The following SEMA3E variants were observed in gnomAD, a reference collection of about 807,000 sequenced individuals.
SEMA3E encodes the protein semaphorin-3E.
In SEMA3E, 49 loss-of-function variants were observed where a neutral mutation model predicts 93.6. The ratio of observed to expected loss-of-function variants is 0.52; its 90% CI spans 0.42 to 0.66. The LOEUF (loss-of-function observed/expected upper bound fraction) is 0.66. Ranked by LOEUF, SEMA3E falls within the 30% of genes least tolerant of loss-of-function variation. The pLI, the probability that SEMA3E is intolerant of heterozygous loss-of-function variation, is 0.00. For synonymous variants in SEMA3E, 363 were observed against 330.7 expected (o/e 1.10, Z -1.06); for missense variants, 906 against 964.8 (o/e 0.94, Z 0.81).
intron 1 of SEMA3E, among the ~76,000 whole-genome samples, chr7:83,628,238 G>C (rs1793713500): frequency 6.6e-6 from 1 of 152,002 alleles, no homozygotes; most frequent in Non-Finnish European, 1.5e-5. Flanking sequence ...CTCTCTGGCT[G>C]CCCTTAACAT....
intron 1 of SEMA3E, among the ~76,000 whole-genome samples, chr7:83,566,381 T>C (rs537563174): frequency 6.6e-6 from 1 of 152,266 alleles, no homozygotes; most frequent in African/African-American, 2.4e-5. Flanking sequence ...TGCAACCTTA[T>C]AATCAATGAT....
intron 2 of SEMA3E, among the ~76,000 whole-genome samples, chr7:83,488,858 T>G (rs1315154676): frequency 6.6e-6 from 1 of 151,942 alleles, no homozygotes; most frequent in African/African-American, 2.4e-5. Context: ...TTGAGAGGAG[T>G]ATAAAAACTT....
intron 4 of SEMA3E, among the ~76,000 whole-genome samples, chr7:83,446,482 C>T (rs1249097852): frequency 2.0e-5 from 3 of 152,168 alleles, no homozygotes; most frequent in East Asian, 3.9e-4. Flanking sequence ...GCAGTGAGGT[C>T]TCCCCTGTGT....
At chr7:83,635,855 A>C (rs950508736) in intron 1 of SEMA3E, among the ~76,000 whole-genome samples, 1 of 150,654 alleles carries the variant, frequency 6.6e-6, no homozygotes, top group Non-Finnish European at 1.5e-5. Flanking sequence ...AATTATTCAT[A>C]AAACTTTTGC....
intron 2 of SEMA3E, among the ~76,000 whole-genome samples, chr7:83,471,644 T>A (rs1438769750): frequency 6.6e-6 from 1 of 152,166 alleles, no homozygotes; most frequent in Non-Finnish European, 1.5e-5. Context: ...ACTGAGGATT[T>A]TTTTGTTTGT....
intron 9 of SEMA3E, 100 bp downstream of exon 9, chr7:83,405,350 C>T (rs1435505760): frequency 1.2e-6 from 1 of 831,984 alleles, no homozygotes; most frequent in Non-Finnish European, 2.0e-6. Flanking sequence ...AGAAGAGCAA[C>T]TGGGTCAATA....
At chr7:83,533,969 A>T (rs1362684477) in intron 1 of SEMA3E, among the ~76,000 whole-genome samples, 1 of 152,154 alleles carries the variant, frequency 6.6e-6, no homozygotes, top group Non-Finnish European at 1.5e-5. Context: ...CTTTATCCCA[A>T]GTTCTAGTCA....
chr7:83,416,798 G>A (rs1266113110), intron 5 of SEMA3E, among the ~76,000 whole-genome samples: 1 of 151,782 alleles, frequency 6.6e-6, no homozygotes, highest in East Asian at 1.9e-4. Flanking sequence ...GAAAAAGATG[G>A]TGTGAGACTA....
chr7:83,637,126 C>G (rs1253461976), intron 1 of SEMA3E, among the ~76,000 whole-genome samples: 1 of 151,468 alleles, frequency 6.6e-6, no homozygotes, highest in Non-Finnish European at 1.5e-5. Context: ...AGAGAGTTCC[C>G]CTATACCTAT....
chr7:83,602,080 C>T (rs888204153), intron 1 of SEMA3E, among the ~76,000 whole-genome samples: 1 of 152,124 alleles, frequency 6.6e-6, no homozygotes, highest in Non-Finnish European at 1.5e-5. Context: ...ACTGCCATTA[C>T]GAGTCACTCT....
intron 1 of SEMA3E, among the ~76,000 whole-genome samples, chr7:83,594,849 T>C (rs575612060): frequency 6.6e-6 from 1 of 151,950 alleles, no homozygotes; most frequent in Non-Finnish European, 1.5e-5. Context: ...AAATAAATGG[T>C]CTGAATGATT....
At chr7:83,561,049 G>A (rs111804471) in intron 1 of SEMA3E, among the ~76,000 whole-genome samples, 48 of 151,964 alleles carry the variant, frequency 3.2e-4, no homozygotes, top group Admixed American at 9.2e-4. Context: ...AAATGTTAGT[G>A]CCCTTTTTTT....
intron 1 of SEMA3E, among the ~76,000 whole-genome samples, chr7:83,500,846 C>G (rs770029779): frequency 6.6e-6 from 1 of 152,104 alleles, no homozygotes; most frequent in Non-Finnish European, 1.5e-5. Context: ...CTGCCTCGCC[C>G]TCCCAAAGTC....
intron 1 of SEMA3E, among the ~76,000 whole-genome samples, chr7:83,531,959 C>T (rs1273243238): frequency 2.0e-5 from 3 of 152,128 alleles, no homozygotes; most frequent in African/African-American, 4.8e-5. Context: ...TGGGAATCAT[C>T]GGGAGACAGG....
intron 1 of SEMA3E, among the ~76,000 whole-genome samples, chr7:83,633,248 C>A (rs1050705081): frequency 1.3e-5 from 2 of 152,050 alleles, no homozygotes; most frequent in Non-Finnish European, 2.9e-5. Context: ...CTAACAAACA[C>A]CTTCTTAGCA....
At chr7:83,437,665 T>G (rs969035706) in intron 4 of SEMA3E, among the ~76,000 whole-genome samples, 1 of 152,116 alleles carries the variant, frequency 6.6e-6, no homozygotes, top group Non-Finnish European at 1.5e-5. Context: ...AAATGGAAAT[T>G]AAAACAAACT....
chr7:83,574,825 C>T (rs994477611), intron 1 of SEMA3E, among the ~76,000 whole-genome samples: 3 of 152,108 alleles, frequency 2.0e-5, no homozygotes, highest in African/African-American at 7.2e-5. Flanking sequence ...TGTCCAACAG[C>T]CAGCTGACCA....
chr7:83,640,687 C>A (rs540365488), intron 1 of SEMA3E, among the ~76,000 whole-genome samples: 1 of 152,180 alleles, frequency 6.6e-6, no homozygotes, highest in South Asian at 2.1e-4. Flanking sequence ...ATTGAAGGTA[C>A]ACAGAAGGCC....
chr7:83,513,686 T>G (rs1790871493), intron 1 of SEMA3E, among the ~76,000 whole-genome samples: 1 of 152,186 alleles, frequency 6.6e-6, no homozygotes, highest in Non-Finnish European at 1.5e-5. Flanking sequence ...AGAAATGATT[T>G]TGCTGGGTAA....
Sources: gnomAD v4.1 joint callset for allele counts (sites outside exome capture counted in the v4.1 genomes callset) on GRCh38, gnomAD v4.1.1 for gene constraint, MANE v1.5 for transcripts, NCBI Gene and HGNC (gene_info 2026-07-23, HGNC 2026-07-21) for gene names.